Variants in LIPC observed in about 807,000 individuals in gnomAD.
LIPC encodes the protein hepatic triacylglycerol lipase.
LIPC carries 44 observed loss-of-function variants against 50.7 expected under a neutral mutation model. The observed-to-expected ratio is 0.87, with a 90% CI of 0.68 to 1.11. LIPC has a LOEUF of 1.11. Among genes scored for constraint, LIPC ranks in the 50% most tolerant of loss-of-function variants. The pLI is 0.00. For missense variants in LIPC, 697 were observed against 648.2 expected, an observed-to-expected ratio of 1.08 and a Z score of -0.82; for synonymous variants, 271 against 256.4, an observed-to-expected ratio of 1.06 and a Z score of -0.54.
At chr15:58,451,968 T>C (rs1893915617) in intron 1 of LIPC, among the ~76,000 whole-genome samples, 1 of 152,166 alleles carries the variant, frequency 6.6e-6, no homozygotes, top group African/African-American at 2.4e-5. Context: ...TTTCAGTTAG[T>C]TCTGTAACAC....
intron 1 of LIPC, among the ~76,000 whole-genome samples, chr15:58,494,274 C>G (rs1044757888): frequency 3.3e-5 from 5 of 152,224 alleles, no homozygotes; most frequent in Admixed American, 6.5e-5. Flanking sequence ...TGTTATTGGT[C>G]AGACCAACCC....
chr15:58,533,979 A>G (rs970325742), intron 1 of LIPC, among the ~76,000 whole-genome samples: 3 of 152,218 alleles, frequency 2.0e-5, no homozygotes, highest in Non-Finnish European at 4.4e-5. Context: ...ACAGTAGGCC[A>G]CTGGGCAGAC....
At chr15:58,542,711 C>A in intron 4 of LIPC, 60 bp downstream of exon 4, 1 of 1,114,354 alleles carries the variant, frequency 9.0e-7, no homozygotes, top group Non-Finnish European at 1.4e-6. Context: ...CCAACAAGGA[C>A]CTGCTTTTCC....
intron 1 of LIPC, among the ~76,000 whole-genome samples, chr15:58,536,767 T>C (rs1380646092): frequency 6.6e-6 from 1 of 152,226 alleles, no homozygotes; most frequent in Non-Finnish European, 1.5e-5. Flanking sequence ...CACACCTCCT[T>C]TTAATAAAAT....
At chr15:58,558,498 C>G (rs949864740) in intron 6 of LIPC, among the ~76,000 whole-genome samples, 4 of 152,330 alleles carry the variant, frequency 2.6e-5, no homozygotes, top group East Asian at 1.9e-4. Context: ...GAGCTACAGA[C>G]AGTGGGCAAT....
In LIPC at chr15:58,444,234, T is replaced by C. The variant is rs112638538; in HGVS notation, c.88+12114T>C. 9.8e-3 allele frequency among the ~76,000 whole-genome samples: 1,494 copies of C among 152,212 alleles called. 27 individuals are homozygous for C. The highest frequency in any genetic ancestry group is 0.034 in the African/African-American group (1,418 of 41,520). The stretch of plus-strand genomic sequence containing the variant: ...GGACTCCCCTTCCTGAGGTTAATGA[T>C]TGGGAAGGTGTTAAAGCAGGAAGAA... On this transcript the variant is annotated intron_variant, in intron 1 of 8. Transcript: ENST00000299022.
intron 7 of LIPC, among the ~76,000 whole-genome samples, chr15:58,562,812 C>CG (rs1246166055): frequency 1.4e-4 from 21 of 151,588 alleles, no homozygotes; most frequent in Non-Finnish European, 1.8e-4. Context: ...GGGACCCCCC[C>CG]CCAACCCCAC....
At chr15:58,467,978 C>T (rs1288682139) in intron 1 of LIPC, among the ~76,000 whole-genome samples, 1 of 152,172 alleles carries the variant, frequency 6.6e-6, no homozygotes, top group East Asian at 1.9e-4. Context: ...GCTTCCTAAA[C>T]TTCAGTTTCT....
chr15:58,562,550 C>T (rs1595957450), intron 7 of LIPC, among the ~76,000 whole-genome samples: 1 of 152,294 alleles, frequency 6.6e-6, no homozygotes, highest in African/African-American at 2.4e-5. Context: ...ATGGACTCTC[C>T]CTGGAAAGTG....
At chr15:58,528,593 C>T (rs950839882) in intron 1 of LIPC, among the ~76,000 whole-genome samples, 5 of 152,150 alleles carry the variant, frequency 3.3e-5, no homozygotes, top group Non-Finnish European at 7.3e-5. Flanking sequence ...ACTGCAGTCT[C>T]GACCTCGCTC....
intron 1 of LIPC, among the ~76,000 whole-genome samples, chr15:58,466,755 A>T (rs1193146238): frequency 2.0e-5 from 3 of 152,200 alleles, no homozygotes; most frequent in Non-Finnish European, 2.9e-5. Context: ...ACCTTCCAGC[A>T]TCTCAGTCAG....
chr15:58,528,627 C>A (rs1399718287), intron 1 of LIPC, among the ~76,000 whole-genome samples: 2 of 152,194 alleles, frequency 1.3e-5, no homozygotes, highest in African/African-American at 4.8e-5. Flanking sequence ...ACCTCAACCT[C>A]CCAAGTAGCT....
At chr15:58,470,529 T>G (rs536694897) in intron 1 of LIPC, among the ~76,000 whole-genome samples, 79 of 152,222 alleles carry the variant, frequency 5.2e-4, no homozygotes, top group Middle Eastern at 3.4e-3. Flanking sequence ...TTTCCTACTT[T>G]GAAAAGTAGT....
chr15:58,490,578 C>G (rs1891552417), intron 1 of LIPC, among the ~76,000 whole-genome samples: 1 of 152,184 alleles, frequency 6.6e-6, no homozygotes, highest in Non-Finnish European at 1.5e-5. Flanking sequence ...GTCACGCCAG[C>G]ACCACTTATT....
At chr15:58,562,166 C>G (rs142984453) in intron 7 of LIPC, among the ~76,000 whole-genome samples, 1 of 152,178 alleles carries the variant, frequency 6.6e-6, no homozygotes, top group Non-Finnish European at 1.5e-5. Flanking sequence ...CACAGCCCAT[C>G]CCACATGGCC....
At chr15:58,568,049 T>C (rs1894447270) in intron 8 of LIPC, among the ~76,000 whole-genome samples, 1 of 152,220 alleles carries the variant, frequency 6.6e-6, no homozygotes, top group Non-Finnish European at 1.5e-5. Context: ...AGAATTTTTC[T>C]ACAGATATAT....
intron 4 of LIPC, among the ~76,000 whole-genome samples, chr15:58,544,125 T>C (rs931799570): frequency 6.6e-5 from 10 of 152,144 alleles, no homozygotes; most frequent in Non-Finnish European, 1.0e-4. Flanking sequence ...GTGGCCCCCA[T>C]GGATTTAACC....
chr15:58,444,595 C>T lies in LIPC; in HGVS notation c.88+12475C>T, dbSNP rs554391579. Among the ~76,000 whole-genome samples, 10 of 152,242 alleles carry T rather than the reference C, an allele frequency of 6.6e-5. No individual in the cohort carries two copies. The South Asian group carries it at 8.3e-4, about 13-fold the overall frequency. Reference sequence around the variant, plus strand: ...GGCCTCTCTCCTTGTCTTCTGATGGCTGCGTCTCTTCTGTCTGCACACAGT... The same window carrying T: ...GGCCTCTCTCCTTGTCTTCTGATGGTTGCGTCTCTTCTGTCTGCACACAGT... On this transcript the variant is annotated intron_variant, in intron 1 of 8. Coordinates refer to ENST00000299022, the MANE Select transcript of LIPC (RefSeq NM_000236.3).
At chr15:58,545,672 A>G in intron 4 of LIPC, 70 bp from the exon 5 acceptor site, 1 of 1,314,914 alleles carries the variant, frequency 7.6e-7, no homozygotes, top group Non-Finnish European at 1.1e-6. Context: ...TAATATCCAA[A>G]AGCTAAAAAG....
Sources: allele counts gnomAD v4.1 joint callset (sites outside exome capture counted in the v4.1 genomes callset), GRCh38; gene constraint gnomAD v4.1.1; transcripts MANE v1.5; gene names NCBI Gene and HGNC (gene_info 2026-07-23, HGNC 2026-07-21).